The following AAK1 variants were observed in gnomAD, a reference collection of about 807,000 sequenced individuals.
The protein encoded by AAK1 is AP2 associated kinase 1.
In AAK1, 37 loss-of-function variants were observed where a neutral mutation model predicts 116.0. The ratio of observed to expected loss-of-function variants is 0.32; its 90% confidence interval spans 0.25 to 0.42. AAK1 has a LOEUF of 0.42. Ranked by LOEUF, AAK1 falls within the 10% of genes least tolerant of loss-of-function variation. AAK1 has a pLI of 1.00. For synonymous variants in AAK1, 458 were observed against 439.9 expected, an observed-to-expected ratio of 1.04 and a Z score of -0.51; for missense variants, 919 against 1,170.6, an observed-to-expected ratio of 0.79 and a Z score of 3.14.
rs1674839299 is a variant in AAK1, at chr2:69,475,936, C to T, written c.2819G>A (p.Ser940Asn). ...QGGHSRNSSG[S>N]SESSLPNLAR... ...TAGGTTGGGAAGACTGGACTCAGAG[C>T]TCCCACTGCTGTTTCTAGAGTGCCC... Residue 940 changes from serine to asparagine, a missense_variant, in exon 22 of 22, where the codon AGC becomes AAC. Physicochemically the swap from Ser to Asn is conservative, Grantham distance 46. Coordinates refer to ENST00000409085, the MANE Select transcript of AAK1 (RefSeq NM_014911.5). 3.1e-6 allele frequency: 5 copies of T among 1,612,308 alleles called. No individual in the cohort carries two copies. The South Asian group carries it at 3.3e-5, about 11-fold the overall frequency.
At chr2:69,636,526 T>C (rs753005084) in intron 2 of AAK1, among the ~76,000 whole-genome samples, 20 of 152,084 alleles carry the variant, frequency 1.3e-4, no homozygotes, top group Non-Finnish European at 2.4e-4. Context: ...CACTATTCTA[T>C]CCAAAAAGTT....
intron 5 of AAK1, among the ~76,000 whole-genome samples, chr2:69,536,576 A>G (rs1282750146): frequency 6.6e-6 from 1 of 152,142 alleles, no homozygotes; most frequent in Non-Finnish European, 1.5e-5. Flanking sequence ...CTTAGGGTGA[A>G]GCTCAAGATT....
chr2:69,575,237 C>T (rs1376321598), intron 2 of AAK1, among the ~76,000 whole-genome samples: 1 of 151,680 alleles, frequency 6.6e-6, no homozygotes, highest in Admixed American at 6.6e-5. Flanking sequence ...CAAGAAGGAC[C>T]GGGAGCACAC....
intron 2 of AAK1, among the ~76,000 whole-genome samples, chr2:69,600,271 G>A (rs114990984): frequency 0.013 from 1,999 of 148,566 alleles, 46 homozygotes; most frequent in African/African-American, 0.047. Context: ...GATCCAAGTT[G>A]CATTCTTAAT....
chr2:69,638,923 T>C (rs2105272840), intron 2 of AAK1, among the ~76,000 whole-genome samples: 1 of 152,354 alleles, frequency 6.6e-6, no homozygotes, highest in East Asian at 1.9e-4. Context: ...TCTTAGGATC[T>C]CTGGAACCTA....
chr2:69,501,294 CTACT>C lies in AAK1; in HGVS notation c.2269+4271_2269+4274del, dbSNP rs538097289. On this transcript the variant is annotated intron_variant, in intron 16 of 21. Coordinates refer to ENST00000409085, the MANE Select transcript of AAK1 (RefSeq NM_014911.5). ...CTAAAAGTGAAACAAAAATTTTTAA[CTACT>C]TAATGATGAAAAGCATAACTCCAAA... 7.5e-4 allele frequency among the ~76,000 whole-genome samples: 114 copies of C among 152,182 alleles called. 1 individual carries two copies. Among genetic ancestry groups the C allele is most frequent in the African/African-American group, 2.7e-3 (111 of 41,502 alleles).
intron 2 of AAK1, among the ~76,000 whole-genome samples, chr2:69,620,005 G>A (rs910587872): frequency 6.6e-6 from 1 of 152,180 alleles, no homozygotes; most frequent in African/African-American, 2.4e-5. Context: ...TAACTAACAT[G>A]AAATGATTGG....
intron 4 of AAK1, 43 bp from the exon 5 acceptor site, chr2:69,542,708 C>T (rs775749671): frequency 1.9e-6 from 3 of 1,599,280 alleles, no homozygotes; most frequent in Admixed American, 1.7e-5. Context: ...TATAAACATT[C>T]GGACTTGTCA....
intron 3 of AAK1, among the ~76,000 whole-genome samples, chr2:69,545,311 G>GAT (rs1670879252): frequency 6.6e-6 from 1 of 152,198 alleles, no homozygotes; most frequent in African/African-American, 2.4e-5. Context: ...CAGAGAGGCA[G>GAT]CTCTTTGTAA....
rs751811841 is a variant in AAK1, at chr2:69,527,313, A to G, written c.878T>C (p.Met293Thr). ...SQDMHCLIRY[M>T]LEPDPDKRPD... ...CCTTTTGTCAGGGTCTGGTTCCAAC[A>G]TATACCCTAAGGCAAACATGTGAAT... Residue 293 changes from methionine to threonine, a missense_variant, in exon 9 of 22, where the codon ATG becomes ACG. This residue lies in a region of AAK1 where 317 missense variants were observed against 490.4 expected (regional missense o/e 0.65). Transcript: ENST00000409085. 2.5e-6 allele frequency: 4 copies of G among 1,593,068 alleles called. No individual in the cohort carries two copies. Among genetic ancestry groups the G allele is most frequent in the Non-Finnish European group, 3.4e-6 (4 of 1,164,618 alleles).
intron 2 of AAK1, among the ~76,000 whole-genome samples, chr2:69,622,167 C>T (rs555148951): frequency 9.8e-5 from 15 of 152,322 alleles, no homozygotes; most frequent in East Asian, 1.9e-4. Flanking sequence ...TGGTGGGCCC[C>T]GCACTCAGAG....
intron 2 of AAK1, among the ~76,000 whole-genome samples, chr2:69,627,497 G>A (rs756417094): frequency 2.0e-5 from 3 of 152,104 alleles, no homozygotes; most frequent in Non-Finnish European, 4.4e-5. Context: ...AGCCAACCAA[G>A]GGAAGACAAG....
chr2:69,635,751 A>G (rs951409789), intron 2 of AAK1, among the ~76,000 whole-genome samples: 4 of 152,204 alleles, frequency 2.6e-5, no homozygotes, highest in Admixed American at 2.0e-4. Context: ...TCATAGAGAC[A>G]GTAAGTGGAG....
chr2:69,587,499 C>T (rs1378185874), intron 2 of AAK1, among the ~76,000 whole-genome samples: 1 of 146,566 alleles, frequency 6.8e-6, no homozygotes, highest in African/African-American at 2.5e-5. Flanking sequence ...TCGTTTCGCT[C>T]TTGTTGCCCA....
Position 69,466,281 on chromosome 2 carries a change from T to C in AAK1, c.*9588A>G, listed in dbSNP as rs1203549966. The C allele has an allele frequency of 3.1e-6, 4 of 1,289,564 alleles. No individual in the cohort carries two copies. The African/African-American group carries it at 6.1e-5, about 20-fold the overall frequency. 79.9% of individuals were successfully genotyped at this position (1,289,564 alleles called of 1,614,324 possible). On this transcript the variant is annotated 3_prime_UTR_variant, in exon 22 of 22. Coordinates refer to ENST00000409085, the MANE Select transcript of AAK1 (RefSeq NM_014911.5). ...CCCCGGGGGGGGTCTGCAGCTCTCATCTTCTTCTTCAGACTCCATAAGGAG... is the reference window on the plus strand; with the variant it reads ...CCCCGGGGGGGGTCTGCAGCTCTCACCTTCTTCTTCAGACTCCATAAGGAG...
intron 2 of AAK1, among the ~76,000 whole-genome samples, chr2:69,624,892 G>A (rs76132316): frequency 0.029 from 4,385 of 152,208 alleles, 214 homozygotes; most frequent in African/African-American, 0.1. Context: ...TGAATGTGTG[G>A]GGCAGAGACT....
intron 13 of AAK1, among the ~76,000 whole-genome samples, chr2:69,509,694 A>G (rs1279564562): frequency 6.6e-6 from 1 of 152,196 alleles, no homozygotes; most frequent in East Asian, 1.9e-4. Flanking sequence ...CATAAATTTC[A>G]ATCTTTATCA....
chr2:69,525,203 G>A, intron 9 of AAK1, 91 bp from the exon 10 acceptor site: 1 of 1,287,724 alleles, frequency 7.8e-7, no homozygotes, highest in Non-Finnish European at 1.1e-6. Context: ...ACTGAGAGCT[G>A]ATGGAAACAC....
chr2:69,638,910 T>C (rs10209526), intron 2 of AAK1, among the ~76,000 whole-genome samples: 17,779 of 152,232 alleles, frequency 0.12, 2,339 homozygotes, highest in African/African-American at 0.31. Context: ...TGTGTCCCAT[T>C]CATCTTAGGA....
Sources: gnomAD v4.1 joint callset for allele counts (sites outside exome capture counted in the v4.1 genomes callset) on GRCh38, gnomAD v4.1.1 for gene constraint, gnomAD v4.1.1 regional missense constraint, MANE v1.5 for transcripts, NCBI Gene and HGNC (gene_info 2026-07-23, HGNC 2026-07-21) for gene names.